Variants in SND1 observed in about 807,000 individuals in gnomAD.
SND1 encodes staphylococcal nuclease and tudor domain containing 1.
In SND1, 38 loss-of-function variants were observed where a neutral mutation model predicts 121.7. The ratio of observed to expected loss-of-function variants is 0.31; its 90% CI spans 0.24 to 0.41. The LOEUF is 0.41. Ranked by LOEUF, SND1 falls within the 10% of genes least tolerant of loss-of-function variation. SND1 has a pLI of 1.00. For synonymous variants in SND1, 401 were observed against 447.4 expected (o/e 0.90, Z 1.31); for missense variants, 868 against 1,184.6 (o/e 0.73, Z 3.92).
chr7:128,081,951 G>A lies in SND1; in HGVS notation c.2110+450G>A, dbSNP rs769518898. On this transcript the variant is annotated intron_variant, in intron 18 of 23. Coordinates refer to ENST00000354725, the MANE Select transcript of SND1 (RefSeq NM_014390.4). ...GTGGTGCTGGGTTTGTCTCTGCTGG[G>A]GTTTCTCCTTCTCTAGAGGTTAACA... 7 of 535,192 alleles carry A rather than the reference G, an allele frequency of 1.3e-5. No individual in the cohort carries two copies. In the Admixed American group the frequency reaches 1.4e-4, roughly 10 times the overall value. The allele number at this position is 535,192 out of a possible 1,614,324, so 33.2% of individuals were successfully genotyped here.
chr7:127,820,665 ATT>A (rs767693496), intron 11 of SND1, among the ~76,000 whole-genome samples: 18 of 151,392 alleles, frequency 1.2e-4, no homozygotes, highest in Non-Finnish European at 2.2e-4. Context: ...CTCTAACCTC[ATT>A]TTCTTTTGTC....
chr7:127,985,462 TG>T (rs1301910966), intron 15 of SND1, among the ~76,000 whole-genome samples: 2 of 152,172 alleles, frequency 1.3e-5, no homozygotes, highest in Non-Finnish European at 2.9e-5. Context: ...TTCACCATCT[TG>T]GCCAGGCTGG....
At chr7:127,854,128 GT>G in intron 12 of SND1, among the ~76,000 whole-genome samples, 1 of 152,076 alleles carries the variant, frequency 6.6e-6, no homozygotes. Flanking sequence ...TTTTTGTTCT[GT>G]TTTGTTTTGT....
intron 16 of SND1, among the ~76,000 whole-genome samples, chr7:127,996,319 A>G (rs1802656404): frequency 6.6e-6 from 1 of 152,214 alleles, no homozygotes; most frequent in African/African-American, 2.4e-5. Flanking sequence ...CATTTCTTTC[A>G]TCGTAGCTCC....
At chr7:127,835,232 G>A (rs1200231056) in intron 11 of SND1, among the ~76,000 whole-genome samples, 1 of 152,040 alleles carries the variant, frequency 6.6e-6, no homozygotes, top group Non-Finnish European at 1.5e-5. Context: ...TCTCATCATA[G>A]TTTCATTACT....
At chr7:128,076,108 A>T (rs1793502314) in intron 17 of SND1, among the ~76,000 whole-genome samples, 1 of 152,176 alleles carries the variant, frequency 6.6e-6, no homozygotes, top group African/African-American at 2.4e-5. Context: ...TGAACCTGGA[A>T]GCCACCTTTT....
At chr7:128,089,733 C>A in intron 22 of SND1, 41 bp downstream of exon 22, 2 of 1,565,904 alleles carry the variant, frequency 1.3e-6, no homozygotes, top group South Asian at 1.1e-5. Flanking sequence ...TGCGCCACCA[C>A]CCTCACAGAG....
At chr7:127,846,259 T>G (rs1799060166) in intron 12 of SND1, among the ~76,000 whole-genome samples, 1 of 152,218 alleles carries the variant, frequency 6.6e-6, no homozygotes, top group Non-Finnish European at 1.5e-5. Context: ...CTTTTTTTTG[T>G]GATTTACCAA....
At chr7:127,712,747 T>C (rs1180555320) in intron 9 of SND1, among the ~76,000 whole-genome samples, 1 of 152,212 alleles carries the variant, frequency 6.6e-6, no homozygotes, top group Non-Finnish European at 1.5e-5. Flanking sequence ...TTCTTCCTTT[T>C]GGGCTTATGT....
intron 16 of SND1, among the ~76,000 whole-genome samples, chr7:128,064,370 CAG>C (rs1429236122): frequency 3.3e-5 from 5 of 152,066 alleles, no homozygotes; most frequent in African/African-American, 4.8e-5. Context: ...AAGTCTGGTA[CAG>C]AGACAGCAGT....
At chr7:127,919,842 A>G (rs1442043675) in intron 14 of SND1, among the ~76,000 whole-genome samples, 3 of 152,182 alleles carry the variant, frequency 2.0e-5, no homozygotes, top group African/African-American at 7.2e-5. Context: ...TTACAATTTA[A>G]TGGTGTATTT....
chr7:127,830,697 A>T (rs1301600732), intron 11 of SND1, among the ~76,000 whole-genome samples: 2 of 152,152 alleles, frequency 1.3e-5, no homozygotes, highest in Non-Finnish European at 2.9e-5. Flanking sequence ...CATTCTCATT[A>T]TCAATGGGAA....
intron 12 of SND1, among the ~76,000 whole-genome samples, chr7:127,861,842 G>A (rs768401907): frequency 6.6e-6 from 1 of 152,208 alleles, no homozygotes; most frequent in African/African-American, 2.4e-5. Flanking sequence ...TGGAGGCCGT[G>A]ATTTTCACAT....
At chr7:127,838,045 T>G (rs933579814) in intron 11 of SND1, among the ~76,000 whole-genome samples, 2 of 152,138 alleles carry the variant, frequency 1.3e-5, no homozygotes, top group Non-Finnish European at 2.9e-5. Flanking sequence ...CTAATTCCAA[T>G]TGGCTATTTT....
chr7:127,814,196 A>G (rs1798385901), intron 11 of SND1, among the ~76,000 whole-genome samples: 3 of 152,154 alleles, frequency 2.0e-5, no homozygotes, highest in Non-Finnish European at 4.4e-5. Context: ...GGTTTCTGAA[A>G]TGTCGTCCTT....
At chr7:127,990,582 A>G (rs1802498417) in intron 15 of SND1, among the ~76,000 whole-genome samples, 1 of 152,190 alleles carries the variant, frequency 6.6e-6, no homozygotes, top group African/African-American at 2.4e-5. Context: ...TGAGGGAGCC[A>G]TTTCTGTAAG....
chr7:127,804,379 T>C (rs973157554), intron 10 of SND1, among the ~76,000 whole-genome samples: 1 of 152,188 alleles, frequency 6.6e-6, no homozygotes, highest in African/African-American at 2.4e-5. Context: ...TTGTTTTTTA[T>C]TGGGATGTTT....
At chr7:127,882,344 C>T (rs1430789647) in intron 12 of SND1, among the ~76,000 whole-genome samples, 1 of 138,810 alleles carries the variant, frequency 7.2e-6, no homozygotes, top group Admixed American at 7.3e-5. Flanking sequence ...TGTCAGAGCC[C>T]CATAGGAGGG....
chr7:127,727,246 C>T (rs996759513), intron 10 of SND1, among the ~76,000 whole-genome samples: 1 of 152,164 alleles, frequency 6.6e-6, no homozygotes, highest in African/African-American at 2.4e-5. Context: ...CCTGGCTCTC[C>T]AGGGCAGGCA....
Sources: gnomAD v4.1 joint callset for allele counts (sites outside exome capture counted in the v4.1 genomes callset) on GRCh38, gnomAD v4.1.1 for gene constraint, MANE v1.5 for transcripts, NCBI Gene and HGNC (gene_info 2026-07-23, HGNC 2026-07-21) for gene names.